PTPRD: variants seen among roughly 807,000 people sequenced by gnomAD.
PTPRD encodes receptor-type tyrosine-protein phosphatase delta.
PTPRD carries 34 observed loss-of-function variants against 214.5 expected under a neutral mutation model. The ratio of observed to expected loss-of-function variants is 0.16; its 90% CI spans 0.12 to 0.21. PTPRD has a LOEUF of 0.21. Among genes scored for constraint, PTPRD ranks in the 10% least tolerant of loss-of-function variants. PTPRD has a pLI of 1.00. For synonymous variants in PTPRD, 1,128 were observed against 845.7 expected (o/e 1.33, Z -5.79); for missense variants, 2,545 against 2,398.7 (o/e 1.06, Z -1.27).
intron 9 of PTPRD, among the ~76,000 whole-genome samples, chr9:9,272,318 T>C (rs936698438): frequency 1.3e-5 from 2 of 151,218 alleles, no homozygotes; most frequent in African/African-American, 4.8e-5. Context: ...TAAAAGAAAA[T>C]GAACTTCATT....
rs532151415 is a variant in PTPRD, at chr9:9,763,195, G to A, written c.-326+3615C>T. On this transcript the variant is annotated intron_variant, in intron 6 of 45. Transcript: ENST00000381196. ...ATTCAATGGATTCATCCTACAAAAT[G>A]TAAAACACATCAAAGTTTCAAGAAA... Among the ~76,000 whole-genome samples the A allele has an allele frequency of 2.0e-5, 3 of 152,192 alleles. No individual in the cohort carries two copies. In the East Asian group the frequency reaches 5.8e-4, roughly 29 times the overall value.
rs766039473 is a variant in PTPRD, at chr9:8,518,359, G to T, written c.1032C>A (p.Asp344Glu). Residue 344 changes from aspartate (D) to glutamate (E), a missense_variant, in exon 21 of 46, where the codon GAC becomes GAA. By Grantham distance (45) the Asp-to-Glu change is conservative. Transcript: ENST00000381196. ...STATSITLTW[D>E]SGNPEPVSYY... ...AAGAAACAGGCTCAGGGTTCCCAGA[G>T]TCCCACGTCAGTGTGATGCTTGTAG... The T allele has an allele frequency of 6.2e-7, 1 of 1,614,094 alleles. No homozygotes were observed. Among genetic ancestry groups the T allele is most frequent in the South Asian group, 1.1e-5 (1 of 91,074 alleles).
At chr9:9,175,626 A>AC (rs775680535) in intron 10 of PTPRD, among the ~76,000 whole-genome samples, 3,622 of 81,720 alleles carry the variant, frequency 0.044, 132 homozygotes, top group South Asian at 0.1. Flanking sequence ...CTGTCTCAAA[A>AC]AAAAAAAAAA....
intron 8 of PTPRD, among the ~76,000 whole-genome samples, chr9:9,406,421 T>C (rs1407323664): frequency 6.6e-6 from 1 of 151,894 alleles, no homozygotes; most frequent in Admixed American, 6.6e-5. Flanking sequence ...TACTACATGG[T>C]TGAAAAATGT....
At position 8,328,351 on chromosome 9, in the gene PTPRD, G is replaced by C. The variant is rs528764037; in HGVS notation, c.5534+3231C>G. 2.5e-4 allele frequency among the ~76,000 whole-genome samples: 38 copies of C among 152,258 alleles called. No homozygotes were observed. The South Asian group carries it at 3.5e-3, about 14-fold the overall frequency. The stretch of plus-strand genomic sequence containing the variant: ...AGGAATGTTGAATATTGGCCCCACT[G>C]TCTTCTGGCTTGTAGGGTTGCTGTC... On this transcript the variant is annotated intron_variant, in intron 44 of 45. Coordinates refer to ENST00000381196, the MANE Select transcript of PTPRD (RefSeq NM_002839.4).
chr9:8,934,690 A>G (rs972330242), intron 11 of PTPRD, among the ~76,000 whole-genome samples: 1 of 150,088 alleles, frequency 6.7e-6, no homozygotes, highest in Non-Finnish European at 1.5e-5. Flanking sequence ...TATAGTCGCC[A>G]TGCTATACAT....
intron 3 of PTPRD, 67 bp from the exon 4 acceptor site, chr9:10,033,857 G>C (rs1014518977): frequency 6.6e-6 from 1 of 152,010 alleles, no homozygotes; most frequent in Non-Finnish European, 1.5e-5. Context: ...TCACATTTAA[G>C]TCAATTGATC....
At chr9:10,398,677 G>C (rs2098217903) in intron 2 of PTPRD, among the ~76,000 whole-genome samples, 1 of 151,930 alleles carries the variant, frequency 6.6e-6, no homozygotes, top group South Asian at 2.1e-4. Flanking sequence ...GTTGTTATGA[G>C]GAGCAGAGAA....
At chr9:10,053,105 A>G (rs1249821268) in intron 3 of PTPRD, among the ~76,000 whole-genome samples, 3 of 152,196 alleles carry the variant, frequency 2.0e-5, no homozygotes, top group Middle Eastern at 3.2e-3. Flanking sequence ...TGCCCTTGAG[A>G]TGCTGATGTA....
intron 35 of PTPRD, among the ~76,000 whole-genome samples, chr9:8,435,373 T>C (rs1336874077): frequency 5.3e-5 from 8 of 152,222 alleles, no homozygotes; most frequent in East Asian, 1.9e-4. Flanking sequence ...CGCTGGTAGG[T>C]CCAGTGCAAC....
chr9:10,308,195 A>T (rs2154414989), intron 3 of PTPRD, among the ~76,000 whole-genome samples: 1 of 151,856 alleles, frequency 6.6e-6, no homozygotes, highest in South Asian at 2.1e-4. Context: ...TTGTAATTTC[A>T]CCTCTTGCAT....
At chr9:10,009,712 A>G (rs1200181890) in intron 4 of PTPRD, among the ~76,000 whole-genome samples, 6 of 152,002 alleles carry the variant, frequency 3.9e-5, no homozygotes, top group Non-Finnish European at 8.8e-5. Flanking sequence ...TTACGGAATG[A>G]AAGTTTCTCC....
chr9:9,008,584 A>G (rs925424628), intron 11 of PTPRD, among the ~76,000 whole-genome samples: 3 of 152,092 alleles, frequency 2.0e-5, no homozygotes, highest in Non-Finnish European at 4.4e-5. Flanking sequence ...ATTCTATGGA[A>G]AAAAAGGATG....
chr9:8,775,991 A>T (rs2095456498), intron 11 of PTPRD, among the ~76,000 whole-genome samples: 1 of 152,218 alleles, frequency 6.6e-6, no homozygotes, highest in Non-Finnish European at 1.5e-5. Flanking sequence ...GTAAATCAAA[A>T]AATGCTTCGA....
At chr9:9,363,264 A>C (rs985657147) in intron 9 of PTPRD, among the ~76,000 whole-genome samples, 1 of 151,080 alleles carries the variant, frequency 6.6e-6, no homozygotes, top group Non-Finnish European at 1.5e-5. Context: ...AGGCATCTAA[A>C]ATGCCTCTCA....
chr9:10,541,524 C>G (rs1302736454), intron 2 of PTPRD, among the ~76,000 whole-genome samples: 1 of 151,612 alleles, frequency 6.6e-6, no homozygotes, highest in Non-Finnish European at 1.5e-5. Context: ...TTTTCCGATT[C>G]TTATCTCCTT....
chr9:8,366,693 T>C (rs141157305), intron 39 of PTPRD, among the ~76,000 whole-genome samples: 1,854 of 152,286 alleles, frequency 0.012, 28 homozygotes, highest in African/African-American at 0.043. Flanking sequence ...TTGGCCTCCA[T>C]TAAACAATGA....
At chr9:8,779,910 T>C (rs542082421) in intron 11 of PTPRD, among the ~76,000 whole-genome samples, 18 of 151,710 alleles carry the variant, frequency 1.2e-4, no homozygotes, top group African/African-American at 2.4e-4. Flanking sequence ...TCTAATTCCA[T>C]TGGATTTTGA....
intron 3 of PTPRD, among the ~76,000 whole-genome samples, chr9:10,221,896 A>G (rs2099572505): frequency 1.3e-5 from 2 of 152,026 alleles, no homozygotes; most frequent in Non-Finnish European, 2.9e-5. Flanking sequence ...TTGATCTAAA[A>G]ATGGTATTTT....
Sources: gnomAD v4.1 joint callset for allele counts (sites outside exome capture counted in the v4.1 genomes callset) on GRCh38, gnomAD v4.1.1 for gene constraint, MANE v1.5 for transcripts, NCBI Gene and HGNC (gene_info 2026-07-23, HGNC 2026-07-21) for gene names.